SLC22A3: variants seen among roughly 807,000 people sequenced by gnomAD.
The protein encoded by SLC22A3 is solute carrier family 22 member 3, also known as EMT organic cation transporter 3.
A neutral mutation model predicts 59.1 loss-of-function variants in SLC22A3; 51 were observed. That is an observed-to-expected ratio of 0.86 (90% confidence interval 0.69 to 1.09). SLC22A3 has a LOEUF of 1.09. Among genes scored for constraint, SLC22A3 ranks in the 50% least tolerant of loss-of-function variants. The probability of loss-of-function intolerance (pLI) is 0.00; values close to 1 mark genes in which losing one functional copy is unlikely to be tolerated. For missense variants in SLC22A3, 711 were observed against 726.3 expected, an observed-to-expected ratio of 0.98 and a Z score of 0.24; for synonymous variants, 325 against 292.0, an observed-to-expected ratio of 1.11 and a Z score of -1.15.
rs1407175997 is a variant in SLC22A3, at chr6:160,348,848, G to C, written c.429G>C (p.Glu143Asp). ...AGGCCCACTCCACCATCGTCAGCGA[G>C]GTAAGGGCGCCCCGGCCCTTTGGAA... is the stretch of plus-strand genomic sequence containing the variant. ...YAQAHSTIVSEFDLVCVNAWM... is the reference protein window; with the variant it reads ...YAQAHSTIVSDFDLVCVNAWM... The change falls in exon 1 of 11, where the codon GAG becomes GAC. Residue 143 changes from glutamate to aspartate, a missense_variant and splice_region_variant. Glu to Asp is a conservative substitution (Grantham distance 45). Coordinates refer to ENST00000275300, the MANE Select transcript of SLC22A3 (RefSeq NM_021977.4). The C allele has an allele frequency of 6.3e-7, 1 of 1,582,116 alleles. No homozygotes were observed. Among genetic ancestry groups the C allele is most frequent in the Non-Finnish European group, 8.5e-7 (1 of 1,172,538 alleles).
At chr6:160,380,701 T>C (rs1336284549) in intron 1 of SLC22A3, among the ~76,000 whole-genome samples, 1 of 152,226 alleles carries the variant, frequency 6.6e-6, no homozygotes, top group African/African-American at 2.4e-5. Flanking sequence ...TTATGTGCAA[T>C]AATCTTTTTA....
At chr6:160,351,177 G>A (rs1364425900) in intron 1 of SLC22A3, among the ~76,000 whole-genome samples, 2 of 152,138 alleles carry the variant, frequency 1.3e-5, no homozygotes, top group Admixed American at 6.5e-5. Flanking sequence ...GTGCAGTGGC[G>A]TGATCTCGGC....
chr6:160,442,948 G>A, intron 8 of SLC22A3, 79 bp downstream of exon 8: 1 of 1,133,688 alleles, frequency 8.8e-7, no homozygotes, highest in Non-Finnish European at 1.3e-6. Context: ...TAAAAACTAT[G>A]AAGTCGTTTC....
intron 5 of SLC22A3, among the ~76,000 whole-genome samples, chr6:160,429,606 T>A (rs1459679496): frequency 6.6e-6 from 1 of 152,176 alleles, no homozygotes; most frequent in Non-Finnish European, 1.5e-5. Flanking sequence ...GGGGATGCAG[T>A]TAAAATGCAG....
At chr6:160,406,511 A>G (rs1372717763) in intron 2 of SLC22A3, among the ~76,000 whole-genome samples, 2 of 152,242 alleles carry the variant, frequency 1.3e-5, no homozygotes, top group Non-Finnish European at 2.9e-5. Context: ...TTTGTAGTTT[A>G]TAAAACACTT....
chr6:160,419,074 T>G (rs1301070202), intron 5 of SLC22A3, among the ~76,000 whole-genome samples: 1 of 152,188 alleles, frequency 6.6e-6, no homozygotes, highest in East Asian at 1.9e-4. Context: ...CCAAAGGGAT[T>G]CCTTTAGGCC....
chr6:160,379,052 A>T lies in SLC22A3; in HGVS notation c.430-18927A>T, dbSNP rs139001831. On this transcript the variant is annotated intron_variant, in intron 1 of 10. Coordinates refer to ENST00000275300, the MANE Select transcript of SLC22A3 (RefSeq NM_021977.4). ...CCGTCTGTAGATCAGGCAATCCTTG[A>T]CATTTTATGGCGGCAGATTGCCAAA... Among the ~76,000 whole-genome samples the T allele has an allele frequency of 2.1e-4, 32 of 152,338 alleles. 1 individual carries two copies. In the East Asian group the frequency reaches 6.2e-3, roughly 29 times the overall value.
intron 1 of SLC22A3, among the ~76,000 whole-genome samples, chr6:160,386,215 T>A (rs769660821): frequency 1.3e-5 from 2 of 152,234 alleles, no homozygotes; most frequent in Admixed American, 1.3e-4. Context: ...CAGCTCCTTA[T>A]ACTTCTGCCC....
At chr6:160,368,456 C>A (rs951667459) in intron 1 of SLC22A3, among the ~76,000 whole-genome samples, 2 of 152,150 alleles carry the variant, frequency 1.3e-5, no homozygotes, top group Non-Finnish European at 2.9e-5. Flanking sequence ...CTTGTCCACC[C>A]TTAAACCTGC....
chr6:160,382,610 C>G (rs1785839382), intron 1 of SLC22A3, among the ~76,000 whole-genome samples: 1 of 152,164 alleles, frequency 6.6e-6, no homozygotes, highest in Admixed American at 6.5e-5. Flanking sequence ...GCCCTGTCCT[C>G]TGATATATCA....
intron 1 of SLC22A3, among the ~76,000 whole-genome samples, chr6:160,370,923 A>T (rs1357221652): frequency 6.6e-6 from 1 of 152,064 alleles, no homozygotes; most frequent in Non-Finnish European, 1.5e-5. Flanking sequence ...TTGTGTCCAA[A>T]TACAATCAGT....
At chr6:160,382,973 A>C (rs555058363) in intron 1 of SLC22A3, among the ~76,000 whole-genome samples, 11 of 152,350 alleles carry the variant, frequency 7.2e-5, no homozygotes, top group African/African-American at 2.6e-4. Context: ...AATTGACAAT[A>C]GATTTTTAAA....
chr6:160,417,339 G>A (rs1010922082), intron 5 of SLC22A3, among the ~76,000 whole-genome samples: 1 of 152,190 alleles, frequency 6.6e-6, no homozygotes, highest in Non-Finnish European at 1.5e-5. Flanking sequence ...ACAGCCTGGA[G>A]CAGAGCTGCA....
chr6:160,387,572 C>T (rs956031285), intron 1 of SLC22A3, among the ~76,000 whole-genome samples: 1 of 152,158 alleles, frequency 6.6e-6, no homozygotes, highest in African/African-American at 2.4e-5. Flanking sequence ...AAGGGCTATC[C>T]GAGACATTAT....
At chr6:160,353,517 A>G (rs1784729664) in intron 1 of SLC22A3, among the ~76,000 whole-genome samples, 1 of 152,214 alleles carries the variant, frequency 6.6e-6, no homozygotes, top group Non-Finnish European at 1.5e-5. Flanking sequence ...GGGACAGAGG[A>G]GTGAACCAGG....
rs149349176 is a variant in SLC22A3, at chr6:160,401,740, A to T, written c.533+3658A>T. Among the ~76,000 whole-genome samples, 76 of 152,080 alleles carry T rather than the reference A, an allele frequency of 5.0e-4. 1 individual carries two copies. The highest frequency in any genetic ancestry group is 1.8e-3 in the African/African-American group (75 of 41,540). ...AAGCATACATAAGCATATATAGAGT[A>T]TTTTTTGTTATAAGGTACTCATACT... is the stretch of plus-strand genomic sequence containing the variant. On this transcript the variant is annotated intron_variant, in intron 2 of 10. Transcript: ENST00000275300.
chr6:160,353,264 A>G (rs561842302), intron 1 of SLC22A3, among the ~76,000 whole-genome samples: 1 of 152,276 alleles, frequency 6.6e-6, no homozygotes, highest in Admixed American at 6.5e-5. Flanking sequence ...TACAATAAGG[A>G]CCTTCATTAT....
At chr6:160,428,375 G>A (rs569694888) in intron 5 of SLC22A3, among the ~76,000 whole-genome samples, 9 of 152,298 alleles carry the variant, frequency 5.9e-5, no homozygotes, top group Middle Eastern at 3.4e-3. Context: ...AGAGCCACCT[G>A]GGCTGCAGGT....
intron 7 of SLC22A3, among the ~76,000 whole-genome samples, chr6:160,439,582 G>A: frequency 6.6e-6 from 1 of 152,164 alleles, no homozygotes; most frequent in African/African-American, 2.4e-5. Flanking sequence ...CTATTTTGTA[G>A]AGAATTCTTT....
Sources: allele counts gnomAD v4.1 joint callset (sites outside exome capture counted in the v4.1 genomes callset), GRCh38; gene constraint gnomAD v4.1.1; transcripts MANE v1.5; gene names NCBI Gene and HGNC (gene_info 2026-07-23, HGNC 2026-07-21).